Variants in ADAMTS5 observed in about 807,000 individuals in gnomAD.
ADAMTS5 encodes A disintegrin and metalloproteinase with thrombospondin motifs 5.
A neutral mutation model predicts 81.4 loss-of-function variants in ADAMTS5; 54 were observed. The observed-to-expected ratio is 0.66, with a 90% confidence interval of 0.53 to 0.83. The LOEUF (loss-of-function observed/expected upper bound fraction) is 0.83. Among genes scored for constraint, ADAMTS5 ranks in the 40% least tolerant of loss-of-function variants. ADAMTS5 has a pLI of 0.00. For missense variants in ADAMTS5, 1,194 were observed against 1,229.9 expected, an observed-to-expected ratio of 0.97 and a Z score of 0.44; for synonymous variants, 532 against 508.8, an observed-to-expected ratio of 1.05 and a Z score of -0.61.
At chr21:26,948,589 A>C (rs74771079) in intron 2 of ADAMTS5, among the ~76,000 whole-genome samples, 1 of 152,192 alleles carries the variant, frequency 6.6e-6, no homozygotes, top group Non-Finnish European at 1.5e-5. Flanking sequence ...AGCTCCAGTC[A>C]TTGGATCATG....
At chr21:26,965,004 T>C (rs1003669444) in intron 1 of ADAMTS5, among the ~76,000 whole-genome samples, 1 of 152,190 alleles carries the variant, frequency 6.6e-6, no homozygotes, top group Admixed American at 6.5e-5. Context: ...TGTGCCTTCT[T>C]ATGTTTACGT....
At chr21:26,940,691 C>T (rs1035029606) in intron 3 of ADAMTS5, among the ~76,000 whole-genome samples, 1 of 152,054 alleles carries the variant, frequency 6.6e-6, no homozygotes, top group Non-Finnish European at 1.5e-5. Context: ...GTGTAGCTTT[C>T]TATGAGTAAA....
intron 3 of ADAMTS5, among the ~76,000 whole-genome samples, chr21:26,938,299 A>G (rs978907899): frequency 6.6e-6 from 1 of 152,148 alleles, no homozygotes; most frequent in African/African-American, 2.4e-5. Context: ...TATTGCATAC[A>G]TGTTTTTACC....
At chr21:26,930,203 C>T (rs1275324516) in intron 6 of ADAMTS5, 142 bp from the exon 7 acceptor site, 2 of 789,636 alleles carry the variant, frequency 2.5e-6, no homozygotes, top group African/African-American at 3.5e-5. Context: ...GCCAAAAAAA[C>T]ATAGTTTCCA....
intron 3 of ADAMTS5, among the ~76,000 whole-genome samples, chr21:26,937,571 G>C (rs780849612): frequency 6.6e-6 from 1 of 152,120 alleles, no homozygotes; most frequent in Non-Finnish European, 1.5e-5. Context: ...ATGGTGCCAA[G>C]AAACAGTAAC....
At chr21:26,953,387 A>G (rs1035463656) in intron 2 of ADAMTS5, among the ~76,000 whole-genome samples, 1 of 152,212 alleles carries the variant, frequency 6.6e-6, no homozygotes, top group Non-Finnish European at 1.5e-5. Flanking sequence ...TTAGGAGGTA[A>G]GAAACGTGTC....
At chr21:26,947,162 T>C (rs1329913135) in intron 2 of ADAMTS5, among the ~76,000 whole-genome samples, 1 of 152,224 alleles carries the variant, frequency 6.6e-6, no homozygotes, top group Non-Finnish European at 1.5e-5. Context: ...GCAATTTTGT[T>C]TACAATACTC....
At chr21:26,926,856 AG>A (rs1451179646) in intron 7 of ADAMTS5, among the ~76,000 whole-genome samples, 1 of 152,152 alleles carries the variant, frequency 6.6e-6, no homozygotes, top group East Asian at 1.9e-4. Context: ...ATAAAGGGTA[AG>A]GGAAGCTTTT....
intron 7 of ADAMTS5, among the ~76,000 whole-genome samples, chr21:26,929,530 C>A (rs1178913063): frequency 2.0e-5 from 3 of 152,154 alleles, no homozygotes; most frequent in African/African-American, 7.2e-5. Flanking sequence ...TAGTTAAGAT[C>A]AAAACCAACC....
At chr21:26,964,409 C>G (rs138123793) in intron 1 of ADAMTS5, among the ~76,000 whole-genome samples, 1 of 152,322 alleles carries the variant, frequency 6.6e-6, no homozygotes, top group Non-Finnish European at 1.5e-5. Context: ...TTCCCCATAA[C>G]CATCTTTCTT....
rs373344670 is a variant in ADAMTS5, at chr21:26,954,892, A to G, written c.1105-21T>C. ...AAATCCTGCCCAGGAGAAAGAAAGA[A>G]ATCATTAAAATCAATTTACATCCAG... is the stretch of plus-strand genomic sequence containing the variant. On this transcript the variant is annotated intron_variant, in intron 1 of 7. Transcript: ENST00000284987. 16 of 1,612,400 alleles carry G rather than the reference A, an allele frequency of 9.9e-6. No homozygotes were observed. In the African/African-American group the frequency reaches 2.1e-4, roughly 22 times the overall value.
Position 26,935,782 on chromosome 21 carries a change from C to T in ADAMTS5, c.1406-1033G>A, listed in dbSNP as rs1333317488. On this transcript the variant is annotated intron_variant, in intron 3 of 7. Transcript: ENST00000284987. The stretch of plus-strand genomic sequence containing the variant: ...GAATCCCTGTCCGGTGAGTTAACAT[C>T]ATTAATTTTCTTTTGTCACCCACAT... 6.6e-5 allele frequency among the ~76,000 whole-genome samples: 10 copies of T among 152,288 alleles called. No individual in the cohort carries two copies. The East Asian group carries it at 1.9e-3, about 29-fold the overall frequency.
In ADAMTS5 at chr21:26,924,053, C is replaced by G; in HGVS notation, c.2793G>C (p.Ter931TyrextTer27). The change falls in exon 8 of 8, where the codon TAG becomes TAC. Residue 931 changes from the stop codon to tyrosine (Y), a stop_lost. Transcript: ENST00000284987. Reference protein sequence around the residue: ...AFKQCLLKKC* With the variant: ...AFKQCLLKKCY ...TTGTGCATAAGATCATAACCACAGG[C>G]TAACATTTCTTCAACAAGCATTGCT... The G allele has an allele frequency of 6.3e-7, 1 of 1,589,352 alleles. No homozygotes were observed. The highest frequency in any genetic ancestry group is 1.3e-5 in the African/African-American group (1 of 74,622).
chr21:26,930,116 C>T, intron 6 of ADAMTS5, 55 bp from the exon 7 acceptor site: 1 of 1,539,530 alleles, frequency 6.5e-7, no homozygotes, highest in East Asian at 2.3e-5. Context: ...GTATTTGCTC[C>T]TTTGGTCAAC....
chr21:26,953,871 A>G (rs1461874527), intron 2 of ADAMTS5: 5 of 154,078 alleles, frequency 3.2e-5, no homozygotes, highest in Admixed American at 6.5e-5. Context: ...TATTATCCCT[A>G]TGTTTCAGAT....
In ADAMTS5 at chr21:26,923,830, C is replaced by A; in HGVS notation, c.*223G>T. 2.1e-6 allele frequency: 1 copy of A among 483,760 alleles called. No individual in the cohort carries two copies. Among genetic ancestry groups the A allele is most frequent in the Non-Finnish European group, 3.7e-6 (1 of 273,526 alleles). The allele number at this position is 483,760 out of a possible 1,614,324, so 30.0% of individuals were successfully genotyped here. Reference sequence around the variant, plus strand: ...GTTTCTTGTAAGCCCAGGGGATGTTCAATAACTCCCAAGTTTTTCTATATT... The same window carrying A: ...GTTTCTTGTAAGCCCAGGGGATGTTAAATAACTCCCAAGTTTTTCTATATT... On this transcript the variant is annotated 3_prime_UTR_variant, in exon 8 of 8. Transcript: ENST00000284987.
rs1354327849 is a variant in ADAMTS5, at chr21:26,966,040, C to T, written c.352G>A (p.Gly118Ser). Residue 118 changes from glycine (G) to serine (S), a missense_variant, in exon 1 of 8, where the codon GGC becomes AGC. Gly to Ser is a moderately conservative substitution (Grantham distance 56, BLOSUM62 0). Coordinates refer to ENST00000284987, the MANE Select transcript of ADAMTS5 (RefSeq NM_007038.5). Reference protein sequence around the residue: ...VGIAGFVPAGGGTSAPWRHRS... With the variant: ...VGIAGFVPAGSGTSAPWRHRS... ...TGGCGCCAGGGCGCACTCGTCCCGC[C>T]TCCTGCGGGCACGAAGCCAGCAATG... is the stretch of plus-strand genomic sequence containing the variant. 2 of 1,613,204 alleles carry T rather than the reference C, an allele frequency of 1.2e-6. No individual in the cohort carries two copies. The highest frequency in any genetic ancestry group is 1.7e-5 in the Admixed American group (1 of 60,026).
Position 26,965,407 on chromosome 21 carries a change from C to G in ADAMTS5, c.985G>C (p.Glu329Gln), listed in dbSNP as rs139776927. ...VVLGDKDKSL[E>Q]VSKNAATTLK... Reference sequence around the variant, plus strand: ...GTGGTGGCAGCGTTCTTGCTCACTTCCAGGCTCTTGTCCTTGTCGCCTAGC... The same window carrying G: ...GTGGTGGCAGCGTTCTTGCTCACTTGCAGGCTCTTGTCCTTGTCGCCTAGC... The change falls in exon 1 of 8, where the codon GAA (glutamate) becomes CAA (glutamine). Residue 329 changes from glutamate to glutamine, a missense_variant. Physicochemically the swap from Glu to Gln is conservative, Grantham distance 29. Coordinates refer to ENST00000284987, the MANE Select transcript of ADAMTS5 (RefSeq NM_007038.5). The G allele has an allele frequency of 6.2e-7, 1 of 1,614,268 alleles. No individual in the cohort carries two copies. Among genetic ancestry groups the G allele is most frequent in the South Asian group, 1.1e-5 (1 of 91,086 alleles).
At position 26,947,022 on chromosome 21, in the gene ADAMTS5, G is replaced by A. The variant is rs895289780; in HGVS notation, c.1238-3475C>T. ...GAGAGAAAAGGCAGAGGTGGGTTTC[G>A]AGGTAACTATCTGCTGTCAGGATTT... On this transcript the variant is annotated intron_variant, in intron 2 of 7. Coordinates refer to ENST00000284987, the MANE Select transcript of ADAMTS5 (RefSeq NM_007038.5). 3.9e-5 allele frequency among the ~76,000 whole-genome samples: 6 copies of A among 152,314 alleles called. No individual in the cohort carries two copies. In the East Asian group the frequency reaches 5.8e-4, roughly 15 times the overall value.
Sources: gnomAD v4.1 joint callset for allele counts (sites outside exome capture counted in the v4.1 genomes callset) on GRCh38, gnomAD v4.1.1 for gene constraint, MANE v1.5 for transcripts, NCBI Gene and HGNC (gene_info 2026-07-23, HGNC 2026-07-21) for gene names.